The following LAMA2 variants were observed in gnomAD, a reference collection of about 807,000 sequenced individuals.
LAMA2 encodes laminin subunit alpha 2, also known as laminin subunit alpha-2.
Under a neutral mutation model 364.8 loss-of-function variants are expected in LAMA2, and 269 were observed. That is an observed-to-expected ratio of 0.74 (90% CI 0.67 to 0.82). The LOEUF (loss-of-function observed/expected upper bound fraction) is 0.82, where lower values mean the gene tolerates loss of function less well. Ranked by LOEUF, LAMA2 falls within the 40% of genes least tolerant of loss-of-function variation. The pLI is 0.00. For missense variants in LAMA2, 3,807 were observed against 3,873.2 expected (o/e 0.98, Z 0.45); for synonymous variants, 1,379 against 1,370.6 (o/e 1.01, Z -0.14).
intron 12 of LAMA2, among the ~76,000 whole-genome samples, chr6:129,233,862 G>C (rs947820497): frequency 4.6e-5 from 7 of 152,046 alleles, no homozygotes; most frequent in Non-Finnish European, 8.8e-5. Flanking sequence ...CTTCACTAAG[G>C]GTCTTGAAAA....
intron 10 of LAMA2, among the ~76,000 whole-genome samples, chr6:129,181,463 A>G (rs1227701385): frequency 6.6e-6 from 1 of 152,062 alleles, no homozygotes; most frequent in East Asian, 1.9e-4. Flanking sequence ...GAAGGAATAG[A>G]AAAAAGTAAT....
At chr6:129,267,343 C>A (rs1381937959) in intron 16 of LAMA2, 124 bp downstream of exon 16, 2 of 756,644 alleles carry the variant, frequency 2.6e-6, no homozygotes, top group Non-Finnish European at 4.9e-6. Flanking sequence ...TGACAAAGAT[C>A]TTTGTATTGA....
chr6:129,314,542 T>C, intron 23 of LAMA2, 113 bp from the exon 24 acceptor site: 1 of 902,152 alleles, frequency 1.1e-6, no homozygotes, highest in African/African-American at 1.6e-5. Flanking sequence ...TCAGTGTTCT[T>C]CTGTTTTGTT....
intron 1 of LAMA2, among the ~76,000 whole-genome samples, chr6:128,944,810 G>A (rs1780393086): frequency 2.6e-5 from 4 of 152,146 alleles, no homozygotes; most frequent in Non-Finnish European, 5.9e-5. Context: ...AGGAGCAAGA[G>A]AGAGTGGGAA....
At chr6:128,965,075 C>T (rs1344089235) in intron 1 of LAMA2, among the ~76,000 whole-genome samples, 1 of 151,976 alleles carries the variant, frequency 6.6e-6, no homozygotes, top group African/African-American at 2.4e-5. Flanking sequence ...TCAGCAGTAG[C>T]ACAAGCAACT....
At chr6:128,894,526 G>A (rs1185216608) in intron 1 of LAMA2, among the ~76,000 whole-genome samples, 2 of 152,132 alleles carry the variant, frequency 1.3e-5, no homozygotes, top group Non-Finnish European at 2.9e-5. Context: ...ACCATAGTTA[G>A]ATCCTTTTTG....
At chr6:128,995,176 C>A (rs1029669529) in intron 1 of LAMA2, among the ~76,000 whole-genome samples, 1 of 152,164 alleles carries the variant, frequency 6.6e-6, no homozygotes. Context: ...AACAACCTGA[C>A]TGTTTTCCAT....
intron 17 of LAMA2, 48 bp from the exon 18 acceptor site, chr6:129,280,013 G>A (rs754749919): frequency 6.7e-6 from 8 of 1,200,804 alleles, no homozygotes; most frequent in Non-Finnish European, 2.5e-6. Context: ...ATGACTTTGT[G>A]TATGTCCTTC....
At chr6:129,317,772 A>T (rs148980305) in intron 27 of LAMA2, among the ~76,000 whole-genome samples, 3 of 152,350 alleles carry the variant, frequency 2.0e-5, no homozygotes, top group Admixed American at 2.0e-4. Flanking sequence ...CTGCAGTAAA[A>T]GAGTTTGGTA....
rs75495127 is a variant in LAMA2, at chr6:129,134,004, C to A, written c.640-9897C>A. ...TTGTTCCAATCTAATGACACAGGAT[C>A]TGGCACTGTATTTAGACCTCCTGCT... On this transcript the variant is annotated intron_variant, in intron 4 of 64. Transcript: ENST00000421865. 9.7e-3 allele frequency among the ~76,000 whole-genome samples: 1,479 copies of A among 152,304 alleles called. 30 individuals carry two copies. The highest frequency in any genetic ancestry group is 0.034 in the African/African-American group (1,411 of 41,564).
chr6:129,324,267 T>C (rs1453450450), intron 28 of LAMA2, among the ~76,000 whole-genome samples: 1 of 152,236 alleles, frequency 6.6e-6, no homozygotes, highest in African/African-American at 2.4e-5. Context: ...TGACAATTAT[T>C]AAACATGCTT....
At chr6:129,274,403 C>A (rs976239388) in intron 17 of LAMA2, among the ~76,000 whole-genome samples, 3 of 151,012 alleles carry the variant, frequency 2.0e-5, no homozygotes, top group East Asian at 1.9e-4. Flanking sequence ...TTTTAATTTC[C>A]ACAGGTTATT....
intron 4 of LAMA2, among the ~76,000 whole-genome samples, chr6:129,133,095 T>A (rs940988794): frequency 3.3e-5 from 5 of 152,194 alleles, no homozygotes; most frequent in Admixed American, 2.6e-4. Flanking sequence ...CAAACATCCT[T>A]ACAGTTGTAC....
chr6:128,978,165 A>G (rs1782648398), intron 1 of LAMA2, among the ~76,000 whole-genome samples: 1 of 152,196 alleles, frequency 6.6e-6, no homozygotes, highest in Non-Finnish European at 1.5e-5. Flanking sequence ...TTTGAGAGTC[A>G]AAGGCAGGGT....
chr6:129,505,506 A>T, intron 61 of LAMA2, 151 bp downstream of exon 61: 1 of 691,964 alleles, frequency 1.4e-6, no homozygotes. Flanking sequence ...TTTGTTGTTT[A>T]TTTGTTTGTT....
chr6:128,986,824 A>C (rs1377954195), intron 1 of LAMA2, among the ~76,000 whole-genome samples: 4 of 152,080 alleles, frequency 2.6e-5, no homozygotes, highest in African/African-American at 9.7e-5. Context: ...AGTATTTTAA[A>C]TATTTGTTTT....
chr6:129,079,471 A>G (rs2114835733), intron 3 of LAMA2, among the ~76,000 whole-genome samples: 1 of 151,938 alleles, frequency 6.6e-6, no homozygotes, highest in South Asian at 2.1e-4. Context: ...TGTTTTCCAT[A>G]GTGGCTGCAC....
intron 15 of LAMA2, among the ~76,000 whole-genome samples, chr6:129,265,043 G>A (rs139223868): frequency 2.6e-3 from 395 of 152,126 alleles, no homozygotes; most frequent in Admixed American, 5.0e-3. Context: ...ATTTTTTTGT[G>A]CTGATAGTAA....
intron 1 of LAMA2, among the ~76,000 whole-genome samples, chr6:129,022,166 T>C (rs1377491044): frequency 6.6e-6 from 1 of 152,242 alleles, no homozygotes; most frequent in African/African-American, 2.4e-5. Flanking sequence ...GATATTTGCT[T>C]GCTTCTTTTT....
Sources: allele counts gnomAD v4.1 joint callset (sites outside exome capture counted in the v4.1 genomes callset), GRCh38; gene constraint gnomAD v4.1.1; transcripts MANE v1.5; gene names NCBI Gene and HGNC (gene_info 2026-07-23, HGNC 2026-07-21).